The following TMOD2 variants were observed in gnomAD, a reference collection of about 807,000 sequenced individuals.
TMOD2 encodes the protein tropomodulin 2, also known as tropomodulin-2.
Under a neutral mutation model 39.9 loss-of-function variants are expected in TMOD2, and 22 were observed. The ratio of observed to expected loss-of-function variants is 0.55; its 90% confidence interval spans 0.39 to 0.79. The LOEUF is 0.79. Among genes scored for constraint, TMOD2 ranks in the 30% least tolerant of loss-of-function variants. The pLI, the probability that TMOD2 is intolerant of heterozygous loss-of-function variation, is 0.00. For missense variants in TMOD2, 386 were observed against 413.3 expected, an observed-to-expected ratio of 0.93 and a Z score of 0.57; for synonymous variants, 123 against 146.1, an observed-to-expected ratio of 0.84 and a Z score of 1.14.
Position 51,814,738 on chromosome 15 carries a change from T to C in TMOD2, c.*6284T>C, listed in dbSNP as rs1337838981. Reference sequence around the variant, plus strand: ...TGAAGTGAGTAGATTCAATGCTCCCTAAGGTCCCTTCCAGCTCCAATACTT... The same window carrying C: ...TGAAGTGAGTAGATTCAATGCTCCCCAAGGTCCCTTCCAGCTCCAATACTT... On this transcript the variant is annotated 3_prime_UTR_variant, in exon 10 of 10. Transcript: ENST00000249700. 1 of 152,230 alleles carries C rather than the reference T, an allele frequency of 6.6e-6. No homozygotes were observed. The highest frequency in any genetic ancestry group is 2.4e-5 in the African/African-American group (1 of 41,450). 9.4% of individuals were successfully genotyped at this position (152,230 alleles called of 1,614,324 possible).
chr15:51,798,746 G>A (rs1438720665), intron 8 of TMOD2, among the ~76,000 whole-genome samples: 3 of 152,226 alleles, frequency 2.0e-5, no homozygotes, highest in South Asian at 2.1e-4. Flanking sequence ...AGAGAAAGCA[G>A]GGTAGCCGTG....
intron 8 of TMOD2, among the ~76,000 whole-genome samples, chr15:51,803,038 G>A (rs962436669): frequency 1.5e-4 from 23 of 152,076 alleles, no homozygotes; most frequent in Non-Finnish European, 1.0e-4. Flanking sequence ...AATCAAGATT[G>A]TATGGTACTG....
chr15:51,751,614 C>T lies in TMOD2; in HGVS notation c.-168C>T. The T allele has an allele frequency of 4.6e-6, 1 of 217,536 alleles. No individual in the cohort carries two copies. The highest frequency in any genetic ancestry group is 9.0e-6 in the Non-Finnish European group (1 of 111,514). The allele number at this position is 217,536 out of a possible 1,614,324, so 13.5% of individuals were successfully genotyped here. A position where few individuals can be genotyped will look rare whatever the true frequency, so the allele number is the denominator to read the frequency against. On this transcript the variant is annotated 5_prime_UTR_variant, in exon 1 of 10. Coordinates refer to ENST00000249700, the MANE Select transcript of TMOD2 (RefSeq NM_014548.4). ...AGCCGCCTGTTGATCGCCGCGCTCG[C>T]CCCGGCCACGGCGCCGCCCCTGTTC...
At chr15:51,764,013 G>T (rs1036369076) in intron 1 of TMOD2, among the ~76,000 whole-genome samples, 1 of 151,876 alleles carries the variant, frequency 6.6e-6, no homozygotes, top group African/African-American at 2.4e-5. Context: ...AAGTGTATAG[G>T]ATCCAATTGG....
At chr15:51,782,187 CAG>C (rs1408732463) in intron 6 of TMOD2, among the ~76,000 whole-genome samples, 2 of 152,122 alleles carry the variant, frequency 1.3e-5, no homozygotes, top group Admixed American at 1.3e-4. Context: ...AAACACTAAA[CAG>C]ATAATTATAA....
At chr15:51,777,231 A>T (rs2055895885) in intron 5 of TMOD2, among the ~76,000 whole-genome samples, 1 of 152,264 alleles carries the variant, frequency 6.6e-6, no homozygotes, top group Non-Finnish European at 1.5e-5. Context: ...TGCCCAGAAC[A>T]CTTTCTTGGT....
intron 1 of TMOD2, among the ~76,000 whole-genome samples, chr15:51,754,824 T>A (rs1258721843): frequency 1.3e-5 from 2 of 152,192 alleles, no homozygotes; most frequent in African/African-American, 4.8e-5. Context: ...GTCCATAGGA[T>A]GTGATATGTA....
In TMOD2 at chr15:51,777,502, C is replaced by T. The variant is rs1047675820; in HGVS notation, c.493+484C>T. 1.2e-4 allele frequency among the ~76,000 whole-genome samples: 19 copies of T among 152,284 alleles called. 1 individual carries two copies. The highest frequency in any genetic ancestry group is 9.8e-4 in the Admixed American group (15 of 15,304). On this transcript the variant is annotated intron_variant, in intron 5 of 9. Coordinates refer to ENST00000249700, the MANE Select transcript of TMOD2 (RefSeq NM_014548.4). ...CTTCCCTCAGAGGGCATGAAAGACACGCTGGCATGGACTTACGTGCACAGG... is the reference window on the plus strand; with the variant it reads ...CTTCCCTCAGAGGGCATGAAAGACATGCTGGCATGGACTTACGTGCACAGG...
In TMOD2 at chr15:51,751,612, C is replaced by T. The variant is rs2055703116; in HGVS notation, c.-170C>T. 4.5e-6 allele frequency: 1 copy of T among 222,122 alleles called. No individual in the cohort carries two copies. The highest frequency in any genetic ancestry group is 8.7e-6 in the Non-Finnish European group (1 of 114,474). 13.8% of individuals were successfully genotyped at this position (222,122 alleles called of 1,614,324 possible). Reference sequence around the variant, plus strand: ...GGAGCCGCCTGTTGATCGCCGCGCTCGCCCCGGCCACGGCGCCGCCCCTGT... The same window carrying T: ...GGAGCCGCCTGTTGATCGCCGCGCTTGCCCCGGCCACGGCGCCGCCCCTGT... On this transcript the variant is annotated 5_prime_UTR_variant, in exon 1 of 10. Coordinates refer to ENST00000249700, the MANE Select transcript of TMOD2 (RefSeq NM_014548.4).
intron 1 of TMOD2, among the ~76,000 whole-genome samples, chr15:51,756,824 A>T (rs1456678204): frequency 2.0e-5 from 3 of 152,226 alleles, no homozygotes; most frequent in Non-Finnish European, 4.4e-5. Context: ...ATCCTCTGCA[A>T]GTATTTCCCA....
Position 51,773,725 on chromosome 15 carries a change from C to T in TMOD2, c.297C>T (p.Ile99=). ...TCTGATTTAAAGGGAGAGTCTTTAT[C>T]CCTAAAGAAAAGCCTATAGAAACTC... ...FTGEKKGRVF[I]PKEKPIETRK... is the part of the protein sequence containing the mutation. The change falls in exon 4 of 10, where the codon ATC becomes ATT. Residue 99 remains isoleucine (I), a synonymous_variant. Transcript: ENST00000249700. The T allele has an allele frequency of 6.2e-7, 1 of 1,608,270 alleles. No homozygotes were observed. The highest frequency in any genetic ancestry group is 8.5e-7 in the Non-Finnish European group (1 of 1,178,274).
Position 51,810,001 on chromosome 15 carries a change from T to C in TMOD2, c.*1547T>C, listed in dbSNP as rs1271502282. 1.3e-5 allele frequency: 2 copies of C among 152,230 alleles called. No individual in the cohort carries two copies. The highest frequency in any genetic ancestry group is 4.8e-5 in the African/African-American group (2 of 41,462). The allele number at this position is 152,230 out of a possible 1,614,324, so 9.4% of individuals were successfully genotyped here. ...TGTCTCTGAAGTCCTTTGAAACATC[T>C]CATTATCTTGAAATTTTTTTAATGT... On this transcript the variant is annotated 3_prime_UTR_variant, in exon 10 of 10. Transcript: ENST00000249700.
In TMOD2 at chr15:51,773,780, G is replaced by C. The variant is rs528743622; in HGVS notation, c.352G>C (p.Glu118Gln). 11 of 1,613,710 alleles carry C rather than the reference G, an allele frequency of 6.8e-6. No individual in the cohort carries two copies. In the South Asian group the frequency reaches 1.2e-4, roughly 18 times the overall value. ...RKEEKVTLDP[E>Q]LEEALASASD... ...AGAAGAAAAAGTGACCCTTGACCCA[G>C]AACTGGAAGAAGCTTTGGCCAGTGC... The change falls in exon 4 of 10, where the codon GAA becomes CAA. Residue 118 changes from glutamate (E) to glutamine (Q), a missense_variant. Physicochemically the swap from Glu to Gln is conservative, Grantham distance 29. Transcript: ENST00000249700.
In TMOD2 at chr15:51,781,039, T is replaced by G. The variant is rs747286075; in HGVS notation, c.494-5T>G. On this transcript the variant is annotated splice_region_variant and splice_polypyrimidine_tract_variant and intron_variant, in intron 5 of 9. Transcript: ENST00000249700. ...CATTTTTTAAAATGAAAACTTGTGT[T>G]TTAGATGTTGTCAAAGGTGAAAAAG... 20 of 1,587,144 alleles carry G rather than the reference T, an allele frequency of 1.3e-5. No individual in the cohort carries two copies. Among genetic ancestry groups the G allele is most frequent in the Non-Finnish European group, 1.5e-5 (18 of 1,171,352 alleles).
At chr15:51,778,815 C>A (rs2141625109) in intron 5 of TMOD2, among the ~76,000 whole-genome samples, 1 of 151,968 alleles carries the variant, frequency 6.6e-6, no homozygotes, top group East Asian at 1.9e-4. Context: ...CCACCACACC[C>A]AACTAATTTT....
intron 7 of TMOD2, chr15:51,783,611 A>T (rs1020273937): frequency 6.6e-6 from 1 of 152,172 alleles, no homozygotes; most frequent in African/African-American, 2.4e-5. Context: ...ATAGCCAGCC[A>T]GGTGTGGTAA....
rs375605066 is a variant in TMOD2 at position 51,807,052 on chromosome 15, C to T, written c.1021+531C>T. On this transcript the variant is annotated intron_variant, in intron 9 of 9. Transcript: ENST00000249700. ...TTGTTGCTGAGGATCCCTGGCATTT[C>T]TTCTGTTAGGATGAGGTGGGGCATG... is the stretch of plus-strand genomic sequence containing the variant. Among the ~76,000 whole-genome samples, 4 of 152,292 alleles carry T rather than the reference C, an allele frequency of 2.6e-5. No individual in the cohort carries two copies. The East Asian group carries it at 7.7e-4, about 29-fold the overall frequency.
At chr15:51,788,055 C>A (rs1322884202) in intron 7 of TMOD2, among the ~76,000 whole-genome samples, 1 of 152,138 alleles carries the variant, frequency 6.6e-6, no homozygotes, top group African/African-American at 2.4e-5. Context: ...ACAAACTTCT[C>A]TGAGCAAAAG....
chr15:51,775,547 G>A (rs925353141), intron 4 of TMOD2, among the ~76,000 whole-genome samples: 15 of 146,066 alleles, frequency 1.0e-4, no homozygotes, highest in African/African-American at 3.5e-4. Context: ...CCTTCACAGA[G>A]ACACAGTGAC....
Sources: allele counts gnomAD v4.1 joint callset (sites outside exome capture counted in the v4.1 genomes callset), GRCh38; gene constraint gnomAD v4.1.1; transcripts MANE v1.5; gene names NCBI Gene and HGNC (gene_info 2026-07-23, HGNC 2026-07-21).